The following SYPL1 variants were observed in gnomAD, a reference collection of about 807,000 sequenced individuals.
SYPL1 encodes the protein synaptophysin like 1, also known as synaptophysin-like protein 1.
In SYPL1, 6 loss-of-function variants were observed where a neutral mutation model predicts 23.7. The ratio of observed to expected loss-of-function variants is 0.25; its 90% CI spans 0.14 to 0.50. SYPL1 has a LOEUF of 0.50. SYPL1 is among the 20% of genes least tolerant of loss of function. The probability of loss-of-function intolerance (pLI) is 0.98; values close to 1 mark genes in which losing one functional copy is unlikely to be tolerated. For synonymous variants in SYPL1, 102 were observed against 104.5 expected (o/e 0.98, Z 0.15); for missense variants, 253 against 288.9 (o/e 0.88, Z 0.90).
intron 4 of SYPL1, among the ~76,000 whole-genome samples, chr7:106,092,225 T>A (rs1839767364): frequency 6.6e-6 from 1 of 152,216 alleles, no homozygotes; most frequent in African/African-American, 2.4e-5. Context: ...ACTTTTCTCC[T>A]ATTTAGAATG....
intron 3 of SYPL1, among the ~76,000 whole-genome samples, chr7:106,094,633 G>A (rs960461900): frequency 6.6e-6 from 1 of 152,146 alleles, no homozygotes; most frequent in Non-Finnish European, 1.5e-5. Flanking sequence ...CTAAACGCTT[G>A]CTAGAAATAC....
intron 1 of SYPL1, 44 bp downstream of exon 1, chr7:106,112,096 G>A (rs1199771738): frequency 7.2e-7 from 1 of 1,390,884 alleles, no homozygotes; most frequent in South Asian, 1.6e-5. Context: ...CTAGGGCGCC[G>A]CGCCGAGCGG....
At chr7:106,099,931 G>A (rs748704342) in intron 1 of SYPL1, among the ~76,000 whole-genome samples, 5 of 152,230 alleles carry the variant, frequency 3.3e-5, no homozygotes, top group East Asian at 3.9e-4. Context: ...TATTTTCCCC[G>A]GAGTATAATA....
Position 106,091,178 on chromosome 7 carries a change from C to T in SYPL1, c.*627G>A, listed in dbSNP as rs957071480. On this transcript the variant is annotated 3_prime_UTR_variant, in exon 5 of 5. Coordinates refer to ENST00000455385, the MANE Select transcript of SYPL1 (RefSeq NM_182715.4). The surrounding 1 kb of genome is among the most constrained non-coding windows in gnomAD (Gnocchi z 5.0). Reference sequence around the variant, plus strand: ...TGAAACAGAATTACTAAATTAACTACACATCTCTCAGAAATTTCCAAATCC... The same window carrying T: ...TGAAACAGAATTACTAAATTAACTATACATCTCTCAGAAATTTCCAAATCC... 4 of 152,116 alleles carry T rather than the reference C, an allele frequency of 2.6e-5. No homozygotes were observed. The highest frequency in any genetic ancestry group is 9.7e-5 in the African/African-American group (4 of 41,424). The allele number at this position is 152,116 out of a possible 1,614,324, so 9.4% of individuals were successfully genotyped here. A position where few individuals can be genotyped will look rare whatever the true frequency, so the allele number is the denominator to read the frequency against.
At chr7:106,099,051 C>T (rs1840172870) in intron 2 of SYPL1, 107 bp downstream of exon 2, 1 of 1,369,458 alleles carries the variant, frequency 7.3e-7, no homozygotes, top group East Asian at 2.3e-5. Context: ...AATGAGCATA[C>T]AGTCTAAAAT....
intron 1 of SYPL1, among the ~76,000 whole-genome samples, chr7:106,105,447 C>A (rs1840541463): frequency 6.7e-6 from 1 of 150,106 alleles, no homozygotes. Flanking sequence ...AGAAAAGTTA[C>A]ATGTTCACAT....
intron 4 of SYPL1, chr7:106,092,716 T>A: frequency 3.8e-6 from 2 of 531,422 alleles, no homozygotes; most frequent in East Asian, 4.1e-5. Flanking sequence ...CAGATATAAA[T>A]CTGACTAGAT....
chr7:106,104,144 T>C lies in SYPL1; in HGVS notation c.70-4862A>G, dbSNP rs1476567465. Among the ~76,000 whole-genome samples the C allele has an allele frequency of 6.6e-6, 1 of 152,176 alleles. No individual in the cohort carries two copies. Among genetic ancestry groups the C allele is most frequent in the African/African-American group, 2.4e-5 (1 of 41,444 alleles). On this transcript the variant is annotated intron_variant, in intron 1 of 4. Coordinates refer to ENST00000455385, the MANE Select transcript of SYPL1 (RefSeq NM_182715.4). The surrounding 1 kb of genome is among the most constrained non-coding windows in gnomAD (Gnocchi z 4.1). ...CTCATCTTTTAAGGCCCTACCCAAT[T>C]CCCTGTGGTAGAACTCATGATTCTT... is the stretch of plus-strand genomic sequence containing the variant.
At position 106,095,418 on chromosome 7, in the gene SYPL1, T is replaced by C. The variant is rs1839969685; in HGVS notation, c.402+2272A>G. Among the ~76,000 whole-genome samples the C allele has an allele frequency of 6.6e-6, 1 of 152,060 alleles. No homozygotes were observed. Among genetic ancestry groups the C allele is most frequent in the African/African-American group, 2.4e-5 (1 of 41,402 alleles). On this transcript the variant is annotated intron_variant, in intron 3 of 4. Transcript: ENST00000455385. The surrounding 1 kb of genome is among the most constrained non-coding windows in gnomAD (Gnocchi z 4.3). ...AGGCTGGAATACAGTGGTGTGATCT[T>C]GGCTCACTGTAACCTCCACCTCCTG...
intron 1 of SYPL1, among the ~76,000 whole-genome samples, chr7:106,101,619 G>A (rs1035175014): frequency 5.3e-5 from 8 of 151,830 alleles, no homozygotes; most frequent in African/African-American, 1.9e-4. Flanking sequence ...TGGAAAATGT[G>A]TCATGAAATC....
chr7:106,091,764 A>C lies in SYPL1; in HGVS notation c.*41T>G. The C allele has an allele frequency of 6.4e-7, 1 of 1,566,322 alleles. No homozygotes were observed. Among genetic ancestry groups the C allele is most frequent in the Non-Finnish European group, 8.6e-7 (1 of 1,159,178 alleles). ...TCTCAAGGTGTTGGCAACATGTCAT[A>C]GTATCAACATATACTTCATACAGTG... On this transcript the variant is annotated 3_prime_UTR_variant, in exon 5 of 5. Transcript: ENST00000455385. This position sits in a 1 kb window ranked among gnomAD's most constrained non-coding sequence, Gnocchi z 5.0.
At chr7:106,092,661 A>G (rs1489730748) in intron 4 of SYPL1, 2 of 400,088 alleles carry the variant, frequency 5.0e-6, no homozygotes, top group African/African-American at 2.3e-5. Context: ...CGACATAGCG[A>G]AACTCCATCT....
In SYPL1 at chr7:106,109,592, C is replaced by A. The variant is rs1383078793; in HGVS notation, c.69+2548G>T. Among the ~76,000 whole-genome samples the A allele has an allele frequency of 6.6e-6, 1 of 152,182 alleles. No homozygotes were observed. The highest frequency in any genetic ancestry group is 1.5e-5 in the Non-Finnish European group (1 of 68,034). On this transcript the variant is annotated intron_variant, in intron 1 of 4. Coordinates refer to ENST00000455385, the MANE Select transcript of SYPL1 (RefSeq NM_182715.4). The surrounding 1 kb of genome is among the most constrained non-coding windows in gnomAD (Gnocchi z 4.3). ...TTAAATTCTAGATCCATATATATAGCTGTATCCTATAGGATACCTCCAAAA... is the reference window on the plus strand; with the variant it reads ...TTAAATTCTAGATCCATATATATAGATGTATCCTATAGGATACCTCCAAAA...
chr7:106,101,777 T>C (rs376852130), intron 1 of SYPL1, among the ~76,000 whole-genome samples: 1 of 133,396 alleles, frequency 7.5e-6, no homozygotes, highest in Admixed American at 7.5e-5. Flanking sequence ...ACGTTTAAAT[T>C]AAAAAAAAAA....
At position 106,100,169 on chromosome 7, in the gene SYPL1, G is replaced by A. The variant is rs1471732548; in HGVS notation, c.70-887C>T. Among the ~76,000 whole-genome samples the A allele has an allele frequency of 6.6e-6, 1 of 152,102 alleles. No homozygotes were observed. The highest frequency in any genetic ancestry group is 2.4e-5 in the African/African-American group (1 of 41,424). On this transcript the variant is annotated intron_variant, in intron 1 of 4. Coordinates refer to ENST00000455385, the MANE Select transcript of SYPL1 (RefSeq NM_182715.4). This position sits in a 1 kb window ranked among gnomAD's most constrained non-coding sequence, Gnocchi z 5.1. Reference sequence around the variant, plus strand: ...CATGAGCCTGTTAAACCTCCCTTGTGGGTATTTCCAGGTCTCAAAAAGTTG... The same window carrying A: ...CATGAGCCTGTTAAACCTCCCTTGTAGGTATTTCCAGGTCTCAAAAAGTTG...
In SYPL1 at chr7:106,097,204, A is replaced by G. The variant is rs1332075365; in HGVS notation, c.402+486T>C. Among the ~76,000 whole-genome samples, 1 of 152,240 alleles carries G rather than the reference A, an allele frequency of 6.6e-6. No individual in the cohort carries two copies. The highest frequency in any genetic ancestry group is 2.4e-5 in the African/African-American group (1 of 41,468). ...GGCGACAAAGCGAGACCTTGTCTCA[A>G]AAAGTAAATATATAAATAAAGAAGT... On this transcript the variant is annotated intron_variant, in intron 3 of 4. Transcript: ENST00000455385. The surrounding 1 kb of genome is among the most constrained non-coding windows in gnomAD (Gnocchi z 4.6).
Position 106,091,975 on chromosome 7 carries a change from C to T in SYPL1, c.592-36G>A. On this transcript the variant is annotated intron_variant, in intron 4 of 4. Transcript: ENST00000455385. The surrounding 1 kb of genome is among the most constrained non-coding windows in gnomAD (Gnocchi z 5.0). ...GAAAAAGAAATATGAAAATCAAATA[C>T]CTACTTATAAAAATTCATGCCCTAC... 1.9e-6 allele frequency: 3 copies of T among 1,569,100 alleles called. No homozygotes were observed. Among genetic ancestry groups the T allele is most frequent in the Admixed American group, 2.0e-5 (1 of 49,956 alleles).
intron 1 of SYPL1, among the ~76,000 whole-genome samples, chr7:106,111,588 G>C (rs1259389457): frequency 6.6e-6 from 1 of 152,326 alleles, no homozygotes; most frequent in African/African-American, 2.4e-5. Flanking sequence ...ACTTTCTTTA[G>C]TTTCCCTGGC....
At position 106,097,600 on chromosome 7, in the gene SYPL1, A is replaced by G; in HGVS notation, c.402+90T>C. 1 of 1,233,696 alleles carries G rather than the reference A, an allele frequency of 8.1e-7. No homozygotes were observed. Among genetic ancestry groups the G allele is most frequent in the Non-Finnish European group, 1.1e-6 (1 of 907,328 alleles). The allele number at this position is 1,233,696 out of a possible 1,614,324, so 76.4% of individuals were successfully genotyped here. ...AGGCTAAAATATGCTGAACTGGCTT[A>G]CACCAAGAATTTTTATTTCCAGTAT... On this transcript the variant is annotated intron_variant, in intron 3 of 4. Coordinates refer to ENST00000455385, the MANE Select transcript of SYPL1 (RefSeq NM_182715.4). This position sits in a 1 kb window ranked among gnomAD's most constrained non-coding sequence, Gnocchi z 4.6.
Sources: gnomAD v4.1 joint callset for allele counts (sites outside exome capture counted in the v4.1 genomes callset) on GRCh38, gnomAD v4.1.1 for gene constraint, Gnocchi (gnomAD v3.1) non-coding constraint, MANE v1.5 for transcripts, NCBI Gene and HGNC (gene_info 2026-07-23, HGNC 2026-07-21) for gene names.